CIT: variants seen among roughly 807,000 people sequenced by gnomAD.
CIT encodes citron Rho-interacting kinase.
CIT carries 79 observed loss-of-function variants against 272.7 expected under a neutral mutation model. The observed-to-expected ratio is 0.29, with a 90% CI of 0.24 to 0.35. The LOEUF (loss-of-function observed/expected upper bound fraction) is 0.35. Among genes scored for constraint, CIT ranks in the 10% least tolerant of loss-of-function variants. The probability of loss-of-function intolerance (pLI) is 1.00; values close to 1 mark genes in which losing one functional copy is unlikely to be tolerated. For synonymous variants in CIT, 948 were observed against 995.6 expected, an observed-to-expected ratio of 0.95 and a Z score of 0.90; for missense variants, 1,909 against 2,618.3, an observed-to-expected ratio of 0.73 and a Z score of 5.91.
chr12:119,823,091 G>T, intron 8 of CIT, 118 bp from the exon 9 acceptor site: 1 of 1,081,142 alleles, frequency 9.2e-7, no homozygotes, highest in Non-Finnish European at 1.3e-6. Context: ...TTTTAGAGAA[G>T]GAAGTTTCGT....
intron 9 of CIT, among the ~76,000 whole-genome samples, chr12:119,814,471 C>T (rs75418913): frequency 0.018 from 2,733 of 152,262 alleles, 78 homozygotes; most frequent in African/African-American, 0.061. Context: ...ACCATCACTA[C>T]TTTACCATCC....
chr12:119,745,005 A>G (rs1424650128), intron 23 of CIT, among the ~76,000 whole-genome samples: 3 of 152,024 alleles, frequency 2.0e-5, no homozygotes, highest in Non-Finnish European at 4.4e-5. Context: ...CATACATGCA[A>G]TTAGAGACCC....
intron 3 of CIT, among the ~76,000 whole-genome samples, chr12:119,860,180 T>C (rs1950295088): frequency 6.6e-6 from 1 of 152,142 alleles, no homozygotes; most frequent in Non-Finnish European, 1.5e-5. Context: ...TGAAATCTCC[T>C]GTGTCAGAGG....
At chr12:119,700,541 C>A (rs1956498765) in intron 44 of CIT, among the ~76,000 whole-genome samples, 1 of 152,150 alleles carries the variant, frequency 6.6e-6, no homozygotes, top group East Asian at 1.9e-4. Flanking sequence ...TGCCACCATG[C>A]CTGGCTAATT....
chr12:119,850,038 C>G (rs929163160), intron 5 of CIT, 136 bp downstream of exon 5: 16 of 718,178 alleles, frequency 2.2e-5, no homozygotes, highest in Non-Finnish European at 5.0e-6. Context: ...ACGAGGAAAC[C>G]AGGGAGACAC....
chr12:119,759,014 T>C (rs1393065761), intron 20 of CIT, among the ~76,000 whole-genome samples: 1 of 152,218 alleles, frequency 6.6e-6, no homozygotes, highest in Non-Finnish European at 1.5e-5. Flanking sequence ...ACATGTGACC[T>C]GGGCCTGCAA....
rs759311886 is a variant in CIT, at chr12:119,770,889, T to C, written c.2104A>G (p.Asn702Asp). 3 of 1,612,718 alleles carry C rather than the reference T, an allele frequency of 1.9e-6. No individual in the cohort carries two copies. Among genetic ancestry groups the C allele is most frequent in the Non-Finnish European group, 2.5e-6 (3 of 1,179,866 alleles). Residue 702 changes from asparagine to aspartate, a missense_variant, in exon 18 of 48, where the codon AAC becomes GAC. Coordinates refer to ENST00000392521, the MANE Select transcript of CIT (RefSeq NM_001206999.2). The surrounding 1 kb of genome is among the most constrained non-coding windows in gnomAD (Gnocchi z 4.4). ...EAEERRHSLENKVKRLETMER... is the reference protein window; with the variant it reads ...EAEERRHSLEDKVKRLETMER... ...ATGGTCTCTAGTCTCTTTACCTTGT[T>C]CTCCAGAGAATGGCGGCGTTCCTGT...
chr12:119,847,879 C>T (rs946517036), intron 5 of CIT, among the ~76,000 whole-genome samples: 34 of 152,204 alleles, frequency 2.2e-4, no homozygotes, highest in Non-Finnish European at 2.8e-4. Context: ...TAACACTAGC[C>T]TGGGTGACAG....
intron 10 of CIT, among the ~76,000 whole-genome samples, chr12:119,789,054 A>G (rs1030983505): frequency 2.0e-5 from 3 of 152,172 alleles, no homozygotes; most frequent in South Asian, 2.1e-4. Flanking sequence ...CTGGTCCTCA[A>G]TGCAAGTACA....
Position 119,718,778 on chromosome 12 carries a change from C to G in CIT, c.3924G>C (p.Glu1308Asp), listed in dbSNP as rs1232282617. The part of the protein sequence containing the change: ...LQYNELKLAL[E>D]KEKARCAELE... ...GCTCTGCACAGCGAGCTTTCTCCTT[C>G]TCCAGGGCCAGCTTCAGCTCATTGT... The change falls in exon 31 of 48, where the codon GAG (glutamate) becomes GAC (aspartate). Residue 1308 changes from glutamate (E) to aspartate (D), a missense_variant. Transcript: ENST00000392521. This position sits in a 1 kb window ranked among gnomAD's most constrained non-coding sequence, Gnocchi z 4.8. 1 of 1,614,178 alleles carries G rather than the reference C, an allele frequency of 6.2e-7. No individual in the cohort carries two copies. The highest frequency in any genetic ancestry group is 2.2e-5 in the East Asian group (1 of 44,878).
intron 43 of CIT, 130 bp downstream of exon 43, chr12:119,701,494 G>A (rs1206339605): frequency 9.6e-7 from 1 of 1,038,756 alleles, no homozygotes; most frequent in Non-Finnish European, 1.4e-6. Flanking sequence ...TGGTGGTGCT[G>A]GAAGGACATT....
intron 2 of CIT, among the ~76,000 whole-genome samples, chr12:119,873,156 AAGTGAGATACTC>A (rs1350215494): frequency 6.6e-6 from 1 of 152,088 alleles, no homozygotes; most frequent in African/African-American, 2.4e-5. Flanking sequence ...CATGAGGCTG[AAGTGAGATACTC>A]AGAAACATGC....
rs930693716 is a variant in CIT at position 119,713,741 on chromosome 12, C to T, written c.4307-93G>A. The T allele has an allele frequency of 2.2e-6, 3 of 1,337,732 alleles. No homozygotes were observed. The highest frequency in any genetic ancestry group is 1.2e-5 in the South Asian group (1 of 81,898). 82.9% of individuals were successfully genotyped at this position (1,337,732 alleles called of 1,614,324 possible). ...AGCCAACGCCTGGGCTTCTCTACCCCAGCCGGGCCCAGAGAGTCTGGCCCT... is the reference window on the plus strand; with the variant it reads ...AGCCAACGCCTGGGCTTCTCTACCCTAGCCGGGCCCAGAGAGTCTGGCCCT... On this transcript the variant is annotated intron_variant, in intron 33 of 47. Transcript: ENST00000392521. This position sits in a 1 kb window ranked among gnomAD's most constrained non-coding sequence, Gnocchi z 5.2.
chr12:119,814,566 A>G (rs1230723808), intron 9 of CIT, among the ~76,000 whole-genome samples: 3 of 152,176 alleles, frequency 2.0e-5, no homozygotes, highest in Non-Finnish European at 4.4e-5. Flanking sequence ...CCCCTGAAGT[A>G]AGTGAGTGTC....
chr12:119,720,843 T>C (rs1246612656), intron 29 of CIT, among the ~76,000 whole-genome samples: 1 of 152,230 alleles, frequency 6.6e-6, no homozygotes, highest in African/African-American at 2.4e-5. Context: ...ATCTTCCAAC[T>C]TCTCTGAATG....
rs1482266127 is a variant in CIT, at chr12:119,690,237, G to A, written c.6100C>T (p.Arg2034Trp). ...TCTTCAAACAGCCTCCCGGGGGACC[G>A]CTCTCTCCGCGTGCTGAGCATCCGG... is the stretch of plus-strand genomic sequence containing the variant. The part of the protein sequence containing the change: ...PGRMLSTRRE[R>W]SPGRLFEDSS... Residue 2034 changes from arginine (R) to tryptophan (W), a missense_variant, in exon 47 of 48, where the codon CGG becomes TGG. By Grantham distance (101) the Arg-to-Trp change is moderately radical. This residue lies in a region of CIT where 780 missense variants were observed against 1,067.2 expected (regional missense o/e 0.73). Transcript: ENST00000392521. This position sits in a 1 kb window ranked among gnomAD's most constrained non-coding sequence, Gnocchi z 6.0. 5.8e-6 allele frequency: 9 copies of A among 1,547,418 alleles called. No individual in the cohort carries two copies. The highest frequency in any genetic ancestry group is 2.4e-5 in the East Asian group (1 of 42,446).
intron 26 of CIT, among the ~76,000 whole-genome samples, chr12:119,733,062 A>T (rs1958553885): frequency 1.3e-5 from 2 of 152,164 alleles, no homozygotes; most frequent in South Asian, 4.1e-4. Flanking sequence ...CTTCCAGTCT[A>T]TGACATCTTT....
chr12:119,710,587 C>T lies in CIT; in HGVS notation c.4888G>A (p.Gly1630Ser). Residue 1630 changes from glycine (G) to serine (S), a missense_variant, in exon 38 of 48, where the codon GGT becomes AGT. Transcript: ENST00000392521. This position sits in a 1 kb window ranked among gnomAD's most constrained non-coding sequence, Gnocchi z 5.6. ...CAGTTCATGTCTAGACGGTCATCACCTTCCAGTTTCAGCAGGGAGTTTCCA... is the reference window on the plus strand; with the variant it reads ...CAGTTCATGTCTAGACGGTCATCACTTTCCAGTTTCAGCAGGGAGTTTCCA... The part of the protein sequence containing the change: ...LLGNSLLKLE[G>S]DDRLDMNCTL... 6.2e-7 allele frequency: 1 copy of T among 1,614,220 alleles called. No homozygotes were observed. The highest frequency in any genetic ancestry group is 8.5e-7 in the Non-Finnish European group (1 of 1,180,024).
At chr12:119,698,096 G>A in intron 44 of CIT, 42 bp from the exon 45 acceptor site, 1 of 1,567,412 alleles carries the variant, frequency 6.4e-7, no homozygotes, top group East Asian at 2.2e-5. Context: ...CCAAAGAATG[G>A]TGAAAAGAGG....
Sources: gnomAD v4.1 joint callset for allele counts (sites outside exome capture counted in the v4.1 genomes callset) on GRCh38, gnomAD v4.1.1 for gene constraint, gnomAD v4.1.1 regional missense constraint, Gnocchi (gnomAD v3.1) non-coding constraint, MANE v1.5 for transcripts, NCBI Gene and HGNC (gene_info 2026-07-23, HGNC 2026-07-21) for gene names.